The following RAPH1 variants were observed in gnomAD, a reference collection of about 807,000 sequenced individuals.
RAPH1 encodes the protein ras-associated and pleckstrin homology domains-containing protein 1.
In RAPH1, 18 loss-of-function variants were observed where a neutral mutation model predicts 88.1. The observed-to-expected ratio is 0.20, with a 90% CI of 0.14 to 0.30. The LOEUF (loss-of-function observed/expected upper bound fraction) is 0.30. Among genes scored for constraint, RAPH1 ranks in the 10% least tolerant of loss-of-function variants. The probability of loss-of-function intolerance (pLI) is 1.00; values close to 1 mark genes in which losing one functional copy is unlikely to be tolerated. For missense variants in RAPH1, 1,448 were observed against 1,543.2 expected (o/e 0.94, Z 1.03); for synonymous variants, 587 against 559.0 (o/e 1.05, Z -0.71).
In RAPH1 at chr2:203,438,208, A is replaced by G. The variant is rs372096837; in HGVS notation, c.*1229T>C. 4.2e-5 allele frequency: 22 copies of G among 518,218 alleles called. No individual in the cohort carries two copies. In the East Asian group the frequency reaches 4.4e-4, roughly 10 times the overall value. The allele number at this position is 518,218 out of a possible 1,614,324, so 32.1% of individuals were successfully genotyped here. A position where few individuals can be genotyped will look rare whatever the true frequency, so the allele number is the denominator to read the frequency against. On this transcript the variant is annotated 3_prime_UTR_variant, in exon 14 of 14. Transcript: ENST00000319170. ...CTGGTAGCCCCAGTAGCTATAAATG[A>G]AACTGTCTTCCCTCTCCATGTAGTC...
chr2:203,527,108 T>A (rs138464236), intron 1 of RAPH1, among the ~76,000 whole-genome samples: 7 of 152,270 alleles, frequency 4.6e-5, no homozygotes, highest in African/African-American at 1.7e-4. Context: ...TAAGACTGTA[T>A]AGTAGTTTCC....
intron 1 of RAPH1, among the ~76,000 whole-genome samples, chr2:203,524,347 T>C (rs990476959): frequency 1.2e-4 from 18 of 152,132 alleles, no homozygotes; most frequent in African/African-American, 4.1e-4. Context: ...TGATACAACT[T>C]TGGAAAAATT....
chr2:203,497,189 C>A (rs538953134), intron 1 of RAPH1, among the ~76,000 whole-genome samples: 5 of 152,230 alleles, frequency 3.3e-5, no homozygotes, highest in Non-Finnish European at 5.9e-5. Context: ...AAGAGCACAT[C>A]TCGTGCCTCC....
At chr2:203,522,952 A>T (rs1689957590) in intron 1 of RAPH1, among the ~76,000 whole-genome samples, 1 of 151,776 alleles carries the variant, frequency 6.6e-6, no homozygotes, top group South Asian at 2.1e-4. Context: ...GTAGGGGAGG[A>T]ATGAATTTTA....
At chr2:203,533,189 CTTAG>C (rs1401800326) in intron 1 of RAPH1, among the ~76,000 whole-genome samples, 1 of 152,214 alleles carries the variant, frequency 6.6e-6, no homozygotes, top group African/African-American at 2.4e-5. Flanking sequence ...ACTCTATAAT[CTTAG>C]TGAGACCTCT....
chr2:203,514,169 G>A (rs1378678500), intron 1 of RAPH1, among the ~76,000 whole-genome samples: 1 of 152,026 alleles, frequency 6.6e-6, no homozygotes, highest in African/African-American at 2.4e-5. Context: ...TCCGGAGTAA[G>A]GTATCTGCTG....
intron 1 of RAPH1, among the ~76,000 whole-genome samples, chr2:203,498,801 T>G (rs1581365517): frequency 6.6e-6 from 1 of 152,174 alleles, no homozygotes; most frequent in Non-Finnish European, 1.5e-5. Context: ...AAGGAATAAT[T>G]TAAATTACAA....
At chr2:203,500,264 G>A (rs955335094) in intron 1 of RAPH1, among the ~76,000 whole-genome samples, 1 of 152,192 alleles carries the variant, frequency 6.6e-6, no homozygotes, top group Admixed American at 6.5e-5. Context: ...TGCTTCAGTG[G>A]AGACCTGAAG....
At position 203,468,175 on chromosome 2, in the gene RAPH1, A is replaced by G. The variant is rs570318555; in HGVS notation, c.733-6250T>C. ...ATTGTCTGGCACATAGTAGATACTC[A>G]GTAAATATTTGTTGAATGGATAAAT... On this transcript the variant is annotated intron_variant, in intron 4 of 13. Coordinates refer to ENST00000319170, the MANE Select transcript of RAPH1 (RefSeq NM_213589.3). 2.0e-5 allele frequency among the ~76,000 whole-genome samples: 3 copies of G among 152,334 alleles called. No homozygotes were observed. The South Asian group carries it at 6.2e-4, about 32-fold the overall frequency.
At chr2:203,447,089 A>T (rs891578726) in intron 12 of RAPH1, 1 of 151,276 alleles carries the variant, frequency 6.6e-6, no homozygotes, top group African/African-American at 2.4e-5. Flanking sequence ...ACTTTCTGGC[A>T]TTACAAGATG....
intron 1 of RAPH1, among the ~76,000 whole-genome samples, chr2:203,503,612 C>T (rs1688842464): frequency 6.6e-6 from 1 of 152,132 alleles, no homozygotes; most frequent in Non-Finnish European, 1.5e-5. Flanking sequence ...CATTTGGCCC[C>T]TCCAAATCTC....
intron 10 of RAPH1, among the ~76,000 whole-genome samples, chr2:203,454,125 TAA>T (rs141064050): frequency 1.3e-3 from 205 of 152,342 alleles, no homozygotes; most frequent in African/African-American, 4.7e-3. Context: ...GGCTCTGTTC[TAA>T]GTTTTCCTAA....
At chr2:203,486,314 T>C in intron 4 of RAPH1, among the ~76,000 whole-genome samples, 1 of 152,138 alleles carries the variant, frequency 6.6e-6, no homozygotes, top group East Asian at 1.9e-4. Flanking sequence ...CAAGAGTATA[T>C]GGAGGTTAGC....
At position 203,434,748 on chromosome 2, in the gene RAPH1, T is replaced by C. The variant is rs2098497058; in HGVS notation, c.*4689A>G. 2 of 152,516 alleles carry C rather than the reference T, an allele frequency of 1.3e-5. No homozygotes were observed. Among genetic ancestry groups the C allele is most frequent in the Admixed American group, 1.3e-4 (2 of 15,302 alleles). 9.4% of individuals were successfully genotyped at this position (152,516 alleles called of 1,614,324 possible). On this transcript the variant is annotated 3_prime_UTR_variant, in exon 14 of 14. Coordinates refer to ENST00000319170, the MANE Select transcript of RAPH1 (RefSeq NM_213589.3). ...GGCTGCAACAATCATGAGCTTGGTA[T>C]TAGTAGCCATCCATGATAAACATAA...
intron 6 of RAPH1, among the ~76,000 whole-genome samples, chr2:203,460,261 A>G (rs149406122): frequency 1.5e-3 from 224 of 152,346 alleles, no homozygotes; most frequent in Admixed American, 3.4e-3. Context: ...ACTAGAATCT[A>G]GGCTTTCTGA....
rs369726227 is a variant in RAPH1, at chr2:203,439,951, G to A, written c.3239C>T (p.Thr1080Ile). The change falls in exon 14 of 14, where the codon ACA becomes ATA. Residue 1080 changes from threonine to isoleucine, a missense_variant. Coordinates refer to ENST00000319170, the MANE Select transcript of RAPH1 (RefSeq NM_213589.3). ...CTCAATGGGGGGCAGAGGAAGCTCT[G>A]TTTCAGGTGGAGGGGGTGGAAAATC... is the stretch of plus-strand genomic sequence containing the variant. ...DSDFPPPPPE[T>I]ELPLPPIEIP... The A allele has an allele frequency of 9.3e-6, 15 of 1,613,748 alleles. No individual in the cohort carries two copies. The highest frequency in any genetic ancestry group is 1.3e-5 in the Non-Finnish European group (15 of 1,180,000).
In RAPH1 at chr2:203,447,858, C is replaced by T. The variant is rs867727375; in HGVS notation, c.1633+101G>A. On this transcript the variant is annotated intron_variant, in intron 12 of 13. Coordinates refer to ENST00000319170, the MANE Select transcript of RAPH1 (RefSeq NM_213589.3). The stretch of plus-strand genomic sequence containing the variant: ...ATAATTTAGGAATTAAGTATGGCTC[C>T]GGTTTTTAAGAATCAAGTTGAAATT... 6.6e-5 allele frequency: 82 copies of T among 1,251,372 alleles called. 1 individual carries two copies. Among genetic ancestry groups the T allele is most frequent in the African/African-American group, 3.9e-4 (26 of 66,382 alleles). 77.5% of individuals were successfully genotyped at this position (1,251,372 alleles called of 1,614,324 possible).
In RAPH1 at chr2:203,448,098, AT is replaced by A; in HGVS notation, c.1513-20del. On this transcript the variant is annotated intron_variant, in intron 11 of 13. Coordinates refer to ENST00000319170, the MANE Select transcript of RAPH1 (RefSeq NM_213589.3). The surrounding 1 kb of genome is among the most constrained non-coding windows in gnomAD (Gnocchi z 4.1). ...TCCCATACTAAAGAGAAGACAGGAA[AT>A]GGTGACATCTAAACTTTACTGAGTA... 1 of 1,612,426 alleles carries A rather than the reference AT, an allele frequency of 6.2e-7. No individual in the cohort carries two copies. The highest frequency in any genetic ancestry group is 1.1e-5 in the South Asian group (1 of 90,832).
In RAPH1 at chr2:203,480,375, G is replaced by A. The variant is rs187124794; in HGVS notation, c.732+9209C>T. On this transcript the variant is annotated intron_variant, in intron 4 of 13. Coordinates refer to ENST00000319170, the MANE Select transcript of RAPH1 (RefSeq NM_213589.3). ...ACCAGCCTGGCCAACAGGGCAAAAC[G>A]CCGTCTCTAAAAAATTATAAAGACA... is the stretch of plus-strand genomic sequence containing the variant. Among the ~76,000 whole-genome samples, 251 of 152,108 alleles carry A rather than the reference G, an allele frequency of 1.7e-3. 1 individual carries two copies. Among genetic ancestry groups the A allele is most frequent in the Middle Eastern group, 6.8e-3 (2 of 294 alleles).
Sources: gnomAD v4.1 joint callset for allele counts (sites outside exome capture counted in the v4.1 genomes callset) on GRCh38, gnomAD v4.1.1 for gene constraint, Gnocchi (gnomAD v3.1) non-coding constraint, MANE v1.5 for transcripts, NCBI Gene and HGNC (gene_info 2026-07-23, HGNC 2026-07-21) for gene names.